Variants in CHODL observed in about 807,000 individuals in gnomAD.
CHODL encodes transmembrane protein MT75.
In CHODL, 29 loss-of-function variants were observed where a neutral mutation model predicts 34.5. That is an observed-to-expected ratio of 0.84 (90% confidence interval 0.63 to 1.15). The LOEUF (loss-of-function observed/expected upper bound fraction) is 1.15, where lower values mean the gene tolerates loss of function less well. Ranked by LOEUF, CHODL falls within the 50% of genes most tolerant of loss-of-function variation. The pLI, the probability that CHODL is intolerant of heterozygous loss-of-function variation, is 0.00. For missense variants in CHODL, 332 were observed against 332.5 expected (o/e 1.00, Z 0.01); for synonymous variants, 125 against 116.1 (o/e 1.08, Z -0.49).
chr21:18,052,573 G>A (rs2064529186), intron 2 of CHODL, among the ~76,000 whole-genome samples: 1 of 151,658 alleles, frequency 6.6e-6, no homozygotes, highest in Non-Finnish European at 1.5e-5. Context: ...TTTTTGTTGG[G>A]TATTTTTACC....
chr21:18,217,351 A>G (rs2073840239), intron 2 of CHODL, among the ~76,000 whole-genome samples: 1 of 152,112 alleles, frequency 6.6e-6, no homozygotes, highest in African/African-American at 2.4e-5. Context: ...CAATCATGTC[A>G]GAAGGGGAAC....
rs750869024 is a variant in CHODL, at chr21:18,256,506, C to T, written c.80-3C>T. On this transcript the variant is annotated splice_region_variant and splice_polypyrimidine_tract_variant and intron_variant, in intron 1 of 5. Transcript: ENST00000299295. Reference sequence around the variant, plus strand: ...TATATGGGCATCTTTTTTTTTTTTTCAGGCCAAAAGGTGTGTTTTGCTGAC... The same window carrying T: ...TATATGGGCATCTTTTTTTTTTTTTTAGGCCAAAAGGTGTGTTTTGCTGAC... 350 of 1,479,666 alleles carry T rather than the reference C, an allele frequency of 2.4e-4. No homozygotes were observed. Among genetic ancestry groups the T allele is most frequent in the Middle Eastern group, 3.7e-4 (2 of 5,424 alleles). The allele number at this position is 1,479,666 out of a possible 1,614,324, so 91.7% of individuals were successfully genotyped here. A position where few individuals can be genotyped will look rare whatever the true frequency, so the allele number is the denominator to read the frequency against.
chr21:18,129,531 G>C (rs1240427951), intron 2 of CHODL, among the ~76,000 whole-genome samples: 1 of 152,152 alleles, frequency 6.6e-6, no homozygotes, highest in Admixed American at 6.5e-5. Flanking sequence ...TTGAATAATA[G>C]ACAGTGAGAG....
chr21:18,037,038 T>A (rs1005458708), intron 2 of CHODL, among the ~76,000 whole-genome samples: 4 of 151,946 alleles, frequency 2.6e-5, no homozygotes, highest in African/African-American at 9.7e-5. Flanking sequence ...AATAAAGGTA[T>A]GAAGAATTCT....
In CHODL at chr21:18,156,031, T is replaced by A. The variant is rs78788311; in HGVS notation, c.-44-100478T>A. On this transcript the variant is annotated intron_variant, in intron 2 of 6. Transcript: ENST00000400127. ...CTGTTTAACTGTCTGTAGTGTGAGA[T>A]ACTCAACAGCAATGGGAAATTCTCT... is the stretch of plus-strand genomic sequence containing the variant. Among the ~76,000 whole-genome samples, 103 of 152,308 alleles carry A rather than the reference T, an allele frequency of 6.8e-4. 1 individual carries two copies. In the East Asian group the frequency reaches 0.012, roughly 18 times the overall value.
At chr21:18,086,182 T>A (rs890362965) in intron 2 of CHODL, among the ~76,000 whole-genome samples, 5 of 151,840 alleles carry the variant, frequency 3.3e-5, no homozygotes, top group African/African-American at 9.7e-5. Context: ...TTCAATGAAT[T>A]TATTTCCAGA....
chr21:17,984,796 G>T (rs1236615905), intron 1 of CHODL, among the ~76,000 whole-genome samples: 2 of 151,976 alleles, frequency 1.3e-5, no homozygotes, highest in Non-Finnish European at 2.9e-5. Context: ...CCTAAGATTG[G>T]AGGTTTGAAT....
intron 2 of CHODL, among the ~76,000 whole-genome samples, chr21:18,063,527 A>G (rs2064694170): frequency 6.6e-6 from 1 of 152,202 alleles, no homozygotes; most frequent in African/African-American, 2.4e-5. Context: ...CTTGGGGTAC[A>G]AATAGGTGTG....
chr21:18,168,968 T>G (rs1049163087), intron 2 of CHODL, among the ~76,000 whole-genome samples: 5 of 152,168 alleles, frequency 3.3e-5, no homozygotes, highest in African/African-American at 7.2e-5. Context: ...TTCAACTTCT[T>G]TCTTTTACTT....
chr21:18,032,398 T>A (rs1377332291), intron 2 of CHODL, among the ~76,000 whole-genome samples: 1 of 152,040 alleles, frequency 6.6e-6, no homozygotes, highest in Non-Finnish European at 1.5e-5. Context: ...ACAGAATGCA[T>A]ACAATAAAGT....
intron 2 of CHODL, among the ~76,000 whole-genome samples, chr21:18,144,930 A>G (rs1437795774): frequency 1.3e-5 from 2 of 149,480 alleles, no homozygotes; most frequent in African/African-American, 2.4e-5. Context: ...TTATATAAGA[A>G]TTACAACTTT....
At chr21:18,221,406 T>C (rs2073882441) in intron 2 of CHODL, among the ~76,000 whole-genome samples, 1 of 152,200 alleles carries the variant, frequency 6.6e-6, no homozygotes, top group African/African-American at 2.4e-5. Context: ...TAGGATTTCT[T>C]ACTGAAAAAC....
intron 2 of CHODL, among the ~76,000 whole-genome samples, chr21:18,112,683 A>C (rs1335392771): frequency 2.0e-5 from 3 of 152,212 alleles, no homozygotes; most frequent in Admixed American, 2.0e-4. Context: ...TGTCTTTGAT[A>C]AATGGTGCTG....
At chr21:18,015,017 G>A in intron 1 of CHODL, among the ~76,000 whole-genome samples, 1 of 152,292 alleles carries the variant, frequency 6.6e-6, no homozygotes, top group East Asian at 1.9e-4. Flanking sequence ...ACAGGCATAT[G>A]AGGAGAAGTT....
intron 2 of CHODL, among the ~76,000 whole-genome samples, chr21:18,217,200 A>G (rs371546443): frequency 1.3e-5 from 2 of 151,944 alleles, no homozygotes; most frequent in Non-Finnish European, 2.9e-5. Context: ...TGGTAGTTTT[A>G]TTTTTAGTTT....
intron 1 of CHODL, among the ~76,000 whole-genome samples, chr21:18,003,028 C>T (rs914174826): frequency 2.0e-4 from 30 of 151,386 alleles, no homozygotes; most frequent in African/African-American, 7.1e-4. Context: ...GAGGCTGAGG[C>T]AGGAGAATGG....
intron 5 of CHODL, among the ~76,000 whole-genome samples, chr21:18,265,575 ATAC>A (rs1215036146): frequency 6.6e-6 from 1 of 152,122 alleles, no homozygotes; most frequent in Admixed American, 6.6e-5. Context: ...GGTACAGTGT[ATAC>A]TACTCAAGTG....
At chr21:18,113,343 T>C (rs1568893183) in intron 2 of CHODL, among the ~76,000 whole-genome samples, 1 of 50,930 alleles carries the variant, frequency 2.0e-5, no homozygotes, top group African/African-American at 1.1e-4. Context: ...GAGGACAGTC[T>C]GGGGGACCTC....
At chr21:18,082,311 T>G (rs1347371927) in intron 2 of CHODL, among the ~76,000 whole-genome samples, 1 of 152,210 alleles carries the variant, frequency 6.6e-6, no homozygotes, top group Non-Finnish European at 1.5e-5. Flanking sequence ...CCATTAAGCC[T>G]GTGGAACTGT....
Sources: allele counts gnomAD v4.1 joint callset (sites outside exome capture counted in the v4.1 genomes callset), GRCh38; gene constraint gnomAD v4.1.1; transcripts MANE v1.5; gene names NCBI Gene and HGNC (gene_info 2026-07-23, HGNC 2026-07-21).